The following PXDNL variants were observed in gnomAD, a reference collection of about 807,000 sequenced individuals.
PXDNL encodes the protein probable oxidoreductase PXDNL.
In PXDNL, 145 loss-of-function variants were observed where a neutral mutation model predicts 150.8. That is an observed-to-expected ratio of 0.96 (90% CI 0.84 to 1.10). PXDNL has a LOEUF of 1.10. Among genes scored for constraint, PXDNL ranks in the 50% least tolerant of loss-of-function variants. PXDNL has a pLI of 0.00. For synonymous variants in PXDNL, 757 were observed against 725.7 expected (o/e 1.04, Z -0.69); for missense variants, 2,087 against 1,873.9 (o/e 1.11, Z -2.10).
chr8:51,624,099 CAAAAAAAAA>C lies in PXDNL; in HGVS notation c.236+30581_236+30589del, dbSNP rs59841822. 5.4e-3 allele frequency among the ~76,000 whole-genome samples: 427 copies of C among 79,618 alleles called. 3 individuals are homozygous for C. Among genetic ancestry groups the C allele is most frequent in the African/African-American group, 0.018 (381 of 21,334 alleles). The allele number at this position is 79,618 out of a possible 152,430, so 52.2% of individuals were successfully genotyped here. On this transcript the variant is annotated intron_variant, in intron 2 of 22. Coordinates refer to ENST00000356297, the MANE Select transcript of PXDNL (RefSeq NM_144651.5). ...CAGGGCAAGACCCTGTCTCAAATTACAAAAAAAAAAAAAAAAAAAAAAAATCCACACAGG... is the reference window on the plus strand; with the variant it reads ...CAGGGCAAGACCCTGTCTCAAATTACAAAAAAAAAAAAAAATCCACACAGG...
chr8:51,324,060 T>C (rs1230455905), intron 21 of PXDNL, among the ~76,000 whole-genome samples: 2 of 152,216 alleles, frequency 1.3e-5, no homozygotes, highest in Non-Finnish European at 2.9e-5. Flanking sequence ...AACTTTCCTT[T>C]TCCTATCACC....
chr8:51,436,512 T>G, intron 12 of PXDNL: 1 of 295,420 alleles, frequency 3.4e-6, no homozygotes. Flanking sequence ...GTGATCCCAC[T>G]GTTCAGACCA....
intron 4 of PXDNL, among the ~76,000 whole-genome samples, chr8:51,507,963 C>T (rs981889608): frequency 2.0e-5 from 3 of 152,122 alleles, no homozygotes; most frequent in African/African-American, 7.2e-5. Context: ...CATGTGGAGC[C>T]TCAATTGAAG....
intron 3 of PXDNL, among the ~76,000 whole-genome samples, chr8:51,589,517 G>A (rs552498058): frequency 2.7e-5 from 4 of 149,786 alleles, no homozygotes; most frequent in African/African-American, 7.6e-5. Context: ...AATATGGACA[G>A]TAAAAGCCAT....
chr8:51,483,569 C>T (rs910352671), intron 6 of PXDNL, 74 bp downstream of exon 6: 2 of 929,188 alleles, frequency 2.2e-6, no homozygotes, highest in Admixed American at 2.3e-5. Flanking sequence ...GAGAAGGCAA[C>T]CAACCATTGT....
intron 2 of PXDNL, among the ~76,000 whole-genome samples, chr8:51,616,264 C>A (rs1044000057): frequency 2.6e-5 from 4 of 152,180 alleles, no homozygotes; most frequent in Non-Finnish European, 4.4e-5. Context: ...TGGTACTTTT[C>A]TAAAGCATCC....
chr8:51,556,981 TTTAA>T, intron 3 of PXDNL, 70 bp from the exon 4 acceptor site: 1 of 899,892 alleles, frequency 1.1e-6, no homozygotes, highest in Non-Finnish European at 1.8e-6. Flanking sequence ...ATACAAACTT[TTTAA>T]ACTATAAGCT....
At chr8:51,496,306 A>G (rs1045387603) in intron 5 of PXDNL, among the ~76,000 whole-genome samples, 1 of 152,228 alleles carries the variant, frequency 6.6e-6, no homozygotes, top group Non-Finnish European at 1.5e-5. Flanking sequence ...ATCTATGACA[A>G]ACCTACAGCC....
intron 9 of PXDNL, among the ~76,000 whole-genome samples, chr8:51,454,485 T>G (rs1809882834): frequency 6.6e-6 from 1 of 152,178 alleles, no homozygotes; most frequent in Non-Finnish European, 1.5e-5. Flanking sequence ...GTATTATAAA[T>G]TGATTCATCA....
At chr8:51,725,340 A>G (rs1438137187) in intron 1 of PXDNL, among the ~76,000 whole-genome samples, 1 of 152,242 alleles carries the variant, frequency 6.6e-6, no homozygotes, top group Non-Finnish European at 1.5e-5. Flanking sequence ...GGCAAGAAAT[A>G]AGAGCATTAG....
rs143304117 is a variant in PXDNL at position 51,394,328 on chromosome 8, A to G, written c.3557+13739T>C. ...CTATTAGAGTAAAGCTATCCCATCC[A>G]TAAAACCTAAGAGGTTAACAAGAAA... On this transcript the variant is annotated intron_variant, in intron 17 of 22. Transcript: ENST00000356297. Among the ~76,000 whole-genome samples, 237 of 152,334 alleles carry G rather than the reference A, an allele frequency of 1.6e-3. 1 individual carries two copies. Among genetic ancestry groups the G allele is most frequent in the African/African-American group, 5.3e-3 (220 of 41,584 alleles).
At chr8:51,620,009 A>G (rs1014602639) in intron 2 of PXDNL, among the ~76,000 whole-genome samples, 2 of 152,086 alleles carry the variant, frequency 1.3e-5, no homozygotes, top group Non-Finnish European at 2.9e-5. Flanking sequence ...CTACTTTTCT[A>G]TTGTTAGCCT....
chr8:51,620,195 T>C (rs527561704), intron 2 of PXDNL, among the ~76,000 whole-genome samples: 1 of 152,330 alleles, frequency 6.6e-6, no homozygotes, highest in Middle Eastern at 3.4e-3. Context: ...GGATAAAATT[T>C]GTCAATGAAT....
intron 5 of PXDNL, among the ~76,000 whole-genome samples, chr8:51,487,651 T>C (rs980852650): frequency 2.0e-5 from 3 of 152,160 alleles, no homozygotes; most frequent in Admixed American, 6.6e-5. Flanking sequence ...TTGGATTCTT[T>C]TGCTTGGTAA....
intron 14 of PXDNL, 83 bp downstream of exon 14, chr8:51,423,492 G>A: frequency 8.9e-7 from 1 of 1,124,274 alleles, no homozygotes; most frequent in East Asian, 2.6e-5. Flanking sequence ...AGCATGATTA[G>A]TGAGATCAGT....
At chr8:51,621,272 T>C (rs1004162630) in intron 2 of PXDNL, among the ~76,000 whole-genome samples, 1 of 152,198 alleles carries the variant, frequency 6.6e-6, no homozygotes, top group Non-Finnish European at 1.5e-5. Flanking sequence ...TAAATAGTAA[T>C]ACACAAACAT....
In PXDNL at chr8:51,409,213, A is replaced by T; in HGVS notation, c.2411T>A (p.Met804Lys). The T allele has an allele frequency of 6.3e-7, 1 of 1,577,198 alleles. No homozygotes were observed. Residue 804 changes from methionine (M) to lysine (K), a missense_variant, in exon 17 of 23, where the codon ATG becomes AAG. Physicochemically the swap from Met to Lys is moderately conservative, Grantham distance 95. Coordinates refer to ENST00000356297, the MANE Select transcript of PXDNL (RefSeq NM_144651.5). ...GTGCTCTAGAAACCAGCCCCAGTGC[A>T]TGAGCATGCGCGTGTAGCTGTGGTC... ...TPDHSYTRML[M>K]HWGWFLEHDL...
At chr8:51,338,227 A>G (rs367841884) in intron 21 of PXDNL, among the ~76,000 whole-genome samples, 1 of 151,988 alleles carries the variant, frequency 6.6e-6, no homozygotes. Context: ...AGATTGGACA[A>G]GTGATTTCAA....
intron 4 of PXDNL, among the ~76,000 whole-genome samples, chr8:51,549,582 C>T (rs1812438717): frequency 6.6e-6 from 1 of 152,118 alleles, no homozygotes; most frequent in Non-Finnish European, 1.5e-5. Flanking sequence ...CCTGAATGAT[C>T]TTTGGGTCAA....
Sources: gnomAD v4.1 joint callset for allele counts (sites outside exome capture counted in the v4.1 genomes callset) on GRCh38, gnomAD v4.1.1 for gene constraint, MANE v1.5 for transcripts, NCBI Gene and HGNC (gene_info 2026-07-23, HGNC 2026-07-21) for gene names.